Variants in NR6A1 observed in about 807,000 individuals in gnomAD.
NR6A1 encodes the protein nuclear receptor subfamily 6 group A member 1.
A neutral mutation model predicts 59.1 loss-of-function variants in NR6A1; 7 were observed. The observed-to-expected ratio is 0.12, with a 90% confidence interval of 0.07 to 0.22. NR6A1 has a LOEUF of 0.22. Among genes scored for constraint, NR6A1 ranks in the 10% least tolerant of loss-of-function variants. The probability of loss-of-function intolerance (pLI) is 1.00; values close to 1 mark genes in which losing one functional copy is unlikely to be tolerated. For missense variants in NR6A1, 468 were observed against 611.6 expected, an observed-to-expected ratio of 0.77 and a Z score of 2.48; for synonymous variants, 243 against 236.1, an observed-to-expected ratio of 1.03 and a Z score of -0.27.
At chr9:124,715,015 T>C (rs1311326074) in intron 2 of NR6A1, among the ~76,000 whole-genome samples, 3 of 151,910 alleles carry the variant, frequency 2.0e-5, no homozygotes, top group Admixed American at 6.6e-5. Context: ...CTGACCAACA[T>C]GGTAAAACCC....
intron 3 of NR6A1, among the ~76,000 whole-genome samples, chr9:124,553,549 CTTTTTTTTT>C (rs780925768): frequency 3.8e-4 from 18 of 47,314 alleles, no homozygotes; most frequent in African/African-American, 1.3e-3. Context: ...TTTAGCTTGA[CTTTTTTTTT>C]TTTTTTTTTT....
At chr9:124,543,915 C>A (rs1833519491) in intron 3 of NR6A1, 58 bp from the exon 4 acceptor site, 1 of 1,480,770 alleles carries the variant, frequency 6.8e-7, no homozygotes, top group Admixed American at 1.7e-5. Context: ...TAAGTCTTAG[C>A]ACAAAAAGAG....
intron 2 of NR6A1, among the ~76,000 whole-genome samples, chr9:124,679,305 T>C (rs1408428326): frequency 2.0e-5 from 3 of 152,180 alleles, no homozygotes; most frequent in African/African-American, 7.2e-5. Context: ...GTGACTGACA[T>C]CTTATGGATG....
intron 3 of NR6A1, among the ~76,000 whole-genome samples, chr9:124,550,868 A>C (rs1403062866): frequency 2.0e-5 from 3 of 152,142 alleles, no homozygotes; most frequent in Non-Finnish European, 4.4e-5. Flanking sequence ...AATTCACTTA[A>C]AGGAAAAATG....
intron 2 of NR6A1, among the ~76,000 whole-genome samples, chr9:124,712,784 G>C (rs1296062301): frequency 6.6e-6 from 1 of 152,072 alleles, no homozygotes; most frequent in Non-Finnish European, 1.5e-5. Flanking sequence ...GCATTAAAAG[G>C]CTAGCCTGAG....
chr9:124,699,997 CA>C (rs1838885268), intron 2 of NR6A1, among the ~76,000 whole-genome samples: 1 of 152,120 alleles, frequency 6.6e-6, no homozygotes, highest in African/African-American at 2.4e-5. Flanking sequence ...GCTTTGATTA[CA>C]GGCATGCGCC....
chr9:124,769,951 T>C (rs942215378), intron 1 of NR6A1, among the ~76,000 whole-genome samples: 27 of 151,996 alleles, frequency 1.8e-4, no homozygotes, highest in African/African-American at 5.5e-4. Context: ...AGGAGGAAAA[T>C]ATCAAACAGA....
At chr9:124,620,007 G>A (rs1201558051) in intron 2 of NR6A1, among the ~76,000 whole-genome samples, 4 of 152,164 alleles carry the variant, frequency 2.6e-5, no homozygotes, top group Non-Finnish European at 4.4e-5. Flanking sequence ...GTTGCAGTGA[G>A]CCAAGATTGC....
At chr9:124,765,529 G>A (rs1840908651) in intron 1 of NR6A1, among the ~76,000 whole-genome samples, 1 of 152,064 alleles carries the variant, frequency 6.6e-6, no homozygotes, top group Admixed American at 6.5e-5. Context: ...TTCAAAGTAG[G>A]CTATTTTCAC....
intron 2 of NR6A1, among the ~76,000 whole-genome samples, chr9:124,660,667 AAG>A (rs1227571267): frequency 6.6e-6 from 1 of 151,622 alleles, no homozygotes; most frequent in Non-Finnish European, 1.5e-5. Context: ...AAAAAAAAAA[AAG>A]GCAACACAGA....
intron 1 of NR6A1, among the ~76,000 whole-genome samples, chr9:124,742,224 G>C (rs137928196): frequency 6.6e-6 from 1 of 152,094 alleles, no homozygotes; most frequent in Non-Finnish European, 1.5e-5. Flanking sequence ...CAATACAGGG[G>C]CTCTAAAATT....
In NR6A1 at chr9:124,538,266, A is replaced by G. The variant is rs760056545; in HGVS notation, c.650T>C (p.Met217Thr). Residue 217 changes from methionine (M) to threonine (T), a missense_variant, in exon 6 of 10, where the codon ATG becomes ACG. Met to Thr is a moderately conservative substitution (Grantham distance 81). Around this residue, in one of 4 missense-constraint regions of NR6A1, gnomAD observed 151 missense variants for 142.8 expected, o/e 1.06. Transcript: ENST00000487099. Reference sequence around the variant, plus strand: ...ATATTGGTAATGTGGAGGCACAGACATTCCCATGTACTGTTCCCTGAAGGC... The same window carrying G: ...ATATTGGTAATGTGGAGGCACAGACGTTCCCATGTACTGTTCCCTGAAGGC... ...FMAFREQYMG[M>T]SVPPHYQYIP... The G allele has an allele frequency of 6.2e-7, 1 of 1,614,216 alleles. No homozygotes were observed. Among genetic ancestry groups the G allele is most frequent in the Admixed American group, 1.7e-5 (1 of 60,028 alleles).
chr9:124,742,527 T>C (rs574966523), intron 1 of NR6A1, among the ~76,000 whole-genome samples: 5 of 151,464 alleles, frequency 3.3e-5, no homozygotes, highest in Admixed American at 3.3e-4. Context: ...ACCACTGCAC[T>C]CCAGCCTGGG....
intron 2 of NR6A1, among the ~76,000 whole-genome samples, chr9:124,670,315 C>T (rs982518974): frequency 2.0e-5 from 3 of 152,148 alleles, no homozygotes; most frequent in East Asian, 1.9e-4. Context: ...TGGCTCAAGC[C>T]CAGGAGTTGG....
At chr9:124,554,250 A>C (rs1280368601) in intron 3 of NR6A1, 78 bp downstream of exon 3, 1 of 1,598,914 alleles carries the variant, frequency 6.3e-7, no homozygotes, top group Non-Finnish European at 8.5e-7. Context: ...AGCTTGAGGA[A>C]TAAGTAACTA....
At chr9:124,761,178 T>C (rs1268515891) in intron 1 of NR6A1, among the ~76,000 whole-genome samples, 1 of 152,162 alleles carries the variant, frequency 6.6e-6, no homozygotes, top group African/African-American at 2.4e-5. Flanking sequence ...ATCCAAACAT[T>C]AAGAAATAAA....
chr9:124,555,713 C>G (rs931924638), intron 2 of NR6A1, among the ~76,000 whole-genome samples: 1 of 152,204 alleles, frequency 6.6e-6, no homozygotes, highest in Non-Finnish European at 1.5e-5. Context: ...AGCTCTGAAA[C>G]TAGCTGGGTG....
At chr9:124,548,492 T>C (rs913613957) in intron 3 of NR6A1, among the ~76,000 whole-genome samples, 3 of 152,072 alleles carry the variant, frequency 2.0e-5, no homozygotes, top group East Asian at 1.9e-4. Flanking sequence ...TTTTTTGGTA[T>C]AATAAAATGT....
chr9:124,624,298 T>A (rs536722221), intron 2 of NR6A1, among the ~76,000 whole-genome samples: 1 of 152,342 alleles, frequency 6.6e-6, no homozygotes, highest in Non-Finnish European at 1.5e-5. Flanking sequence ...GTGGCAGCAG[T>A]GGGATCACAG....
Sources: gnomAD v4.1 joint callset for allele counts (sites outside exome capture counted in the v4.1 genomes callset) on GRCh38, gnomAD v4.1.1 for gene constraint, gnomAD v4.1.1 regional missense constraint, MANE v1.5 for transcripts, NCBI Gene and HGNC (gene_info 2026-07-23, HGNC 2026-07-21) for gene names.